Variants in RECQL observed in about 807,000 individuals in gnomAD.
The protein encoded by RECQL is RecQ like helicase.
A neutral mutation model predicts 75.8 loss-of-function variants in RECQL; 73 were observed. That is an observed-to-expected ratio of 0.96 (90% CI 0.80 to 1.17). The LOEUF (loss-of-function observed/expected upper bound fraction) is 1.17. RECQL is among the 50% of genes most tolerant of loss of function. RECQL has a pLI of 0.00. For missense variants in RECQL, 699 were observed against 772.1 expected (o/e 0.91, Z 1.12); for synonymous variants, 248 against 254.4 (o/e 0.97, Z 0.24).
At position 21,475,816 on chromosome 12, in the gene RECQL, A is replaced by G. The variant is rs759142546; in HGVS notation, c.958T>C (p.Tyr320His). Residue 320 changes from tyrosine to histidine, a missense_variant, in exon 9 of 15, where the codon TAT (tyrosine) becomes CAT (histidine). Around this residue, in one of 2 missense-constraint regions of RECQL, gnomAD observed 669 missense variants for 713.5 expected, o/e 0.94. Transcript: ENST00000444129. ...TCAGAGTCTTTCTGAGAAAAACAAT[A>G]TATGATTCCTGCAGTAAAATATGTG... The part of the protein sequence containing the change: ...GRYKGQSGII[Y>H]CFSQKDSEQV... 47 of 1,611,372 alleles carry G rather than the reference A, an allele frequency of 2.9e-5. No individual in the cohort carries two copies. Among genetic ancestry groups the G allele is most frequent in the Non-Finnish European group, 3.8e-5 (45 of 1,178,280 alleles).
intron 5 of RECQL, among the ~76,000 whole-genome samples, chr12:21,485,330 G>GAAAAAAAAAAAAAA (rs58749568): frequency 7.8e-6 from 1 of 128,584 alleles, no homozygotes; most frequent in Admixed American, 7.8e-5. Context: ...CCCCAGAACT[G>GAAAAAAAAAAAAAA]AAAAAAAAAA....
intron 1 of RECQL, among the ~76,000 whole-genome samples, chr12:21,500,797 T>A (rs1358735492): frequency 1.3e-5 from 2 of 152,202 alleles, no homozygotes; most frequent in Non-Finnish European, 1.5e-5. Context: ...TCTACCCTTA[T>A]GAAAAGACAC....
At chr12:21,495,700 G>C (rs887708102) in intron 2 of RECQL, among the ~76,000 whole-genome samples, 13 of 152,356 alleles carry the variant, frequency 8.5e-5, no homozygotes, top group African/African-American at 3.1e-4. Context: ...TGATCCACCA[G>C]TCAGAGTATA....
chr12:21,474,905 C>A lies in RECQL; in HGVS notation c.1291G>T (p.Val431Leu), dbSNP rs1368453148. The change falls in exon 11 of 15, where the codon GTG becomes TTG. Residue 431 changes from valine to leucine, a missense_variant. Coordinates refer to ENST00000444129, the MANE Select transcript of RECQL (RefSeq NM_002907.4). Reference protein sequence around the residue: ...GDIFRISSMVVMENVGQQKLY... With the variant: ...GDIFRISSMVLMENVGQQKLY... Reference sequence around the variant, plus strand: ...TTCTGCTGTCCCACATTTTCCATCACCACCATTGAACTTATTCTGAATATA... The same window carrying A: ...TTCTGCTGTCCCACATTTTCCATCAACACCATTGAACTTATTCTGAATATA... 5 of 1,613,200 alleles carry A rather than the reference C, an allele frequency of 3.1e-6. No individual in the cohort carries two copies. The highest frequency in any genetic ancestry group is 4.2e-6 in the Non-Finnish European group (5 of 1,179,250).
At chr12:21,501,009 A>G (rs1943602127) in intron 1 of RECQL, among the ~76,000 whole-genome samples, 161 bp downstream of exon 1, 1 of 152,192 alleles carries the variant, frequency 6.6e-6, no homozygotes, top group Non-Finnish European at 1.5e-5. Context: ...GGTGACAGCC[A>G]GTCATCAATG....
At chr12:21,478,438 T>C (rs986210434) in intron 6 of RECQL, among the ~76,000 whole-genome samples, 1 of 152,180 alleles carries the variant, frequency 6.6e-6, no homozygotes, top group Non-Finnish European at 1.5e-5. Context: ...ATTGCTTACA[T>C]GCTAAGTAGA....
At chr12:21,475,113 G>A in intron 10 of RECQL, 134 bp from the exon 11 acceptor site, 1 of 808,778 alleles carries the variant, frequency 1.2e-6, no homozygotes, top group Admixed American at 2.9e-5. Context: ...AAGTTAATTT[G>A]TAATGGGTAC....
rs1282887475 is a variant in RECQL, at chr12:21,491,411, T to C, written c.214+108A>G. 5.5e-6 allele frequency: 6 copies of C among 1,093,636 alleles called. No homozygotes were observed. The East Asian group carries it at 1.3e-4, about 24-fold the overall frequency. 67.7% of individuals were successfully genotyped at this position (1,093,636 alleles called of 1,614,324 possible). On this transcript the variant is annotated intron_variant, in intron 3 of 14. Transcript: ENST00000444129. ...CCCATTCCACTGGAGAAATGGCCAG[T>C]TTCACCTCTAAGCCTACTGGAAAGC... is the stretch of plus-strand genomic sequence containing the variant.
rs1408092764 is a variant in RECQL at position 21,475,553 on chromosome 12, T to G, written c.1131A>C (p.Gly377=). ...CAAACCTCACATCTGGCTTATCAAT[T>G]CCCATACCAAATGCAACAGTTGCCA... ...VVVATVAFGM[G]IDKPDVRFVI... is the part of the protein sequence containing the mutation. Residue 377 remains glycine, a synonymous_variant, in exon 10 of 15, where the codon GGA becomes GGC. Coordinates refer to ENST00000444129, the MANE Select transcript of RECQL (RefSeq NM_002907.4). 2 of 1,612,652 alleles carry G rather than the reference T, an allele frequency of 1.2e-6. No homozygotes were observed. Among genetic ancestry groups the G allele is most frequent in the Admixed American group, 3.3e-5 (2 of 59,920 alleles).
At chr12:21,491,980 A>G (rs1943424045) in intron 2 of RECQL, among the ~76,000 whole-genome samples, 1 of 152,186 alleles carries the variant, frequency 6.6e-6, no homozygotes, top group African/African-American at 2.4e-5. Context: ...TCTAACTTTC[A>G]TAGTATTTTT....
At chr12:21,475,614 AT>A in intron 9 of RECQL, 29 bp from the exon 10 acceptor site, 1 of 1,606,572 alleles carries the variant, frequency 6.2e-7, no homozygotes, top group African/African-American at 1.3e-5. Flanking sequence ...TTATCAGTTA[AT>A]TAAATCAAGT....
chr12:21,499,505 A>G (rs1424914697), intron 2 of RECQL, 50 bp downstream of exon 2: 2 of 1,467,444 alleles, frequency 1.4e-6, no homozygotes, highest in Non-Finnish European at 1.8e-6. Flanking sequence ...AATATCATAC[A>G]AACAGAAATA....
At chr12:21,499,403 G>T in intron 2 of RECQL, 152 bp downstream of exon 2, 1 of 666,364 alleles carries the variant, frequency 1.5e-6, no homozygotes, top group East Asian at 2.8e-5. Context: ...ATAATGGTTA[G>T]CATGGCAAAG....
chr12:21,490,348 ATATCTT>A lies in RECQL; in HGVS notation c.239_244del (p.Lys80_Asp81del). 2 of 1,612,210 alleles carry A rather than the reference ATATCTT, an allele frequency of 1.2e-6. No homozygotes were observed. The highest frequency in any genetic ancestry group is 1.7e-6 in the Non-Finnish European group (2 of 1,178,756). On this transcript the variant is annotated inframe_deletion, in exon 4 of 15. Coordinates refer to ENST00000444129, the MANE Select transcript of RECQL (RefSeq NM_002907.4). ...TTCCAGTTTAAAGACATTTTGCAGA[ATATCTT>A]TAACTTTACCAGACCATGGAAAATC...
chr12:21,490,290 G>A lies in RECQL; in HGVS notation c.303C>T (p.Asn101=), dbSNP rs368338459. 79 of 1,612,278 alleles carry A rather than the reference G, an allele frequency of 4.9e-5. No individual in the cohort carries two copies. The highest frequency in any genetic ancestry group is 2.6e-4 in the South Asian group (24 of 91,058). ...KFRPLQLETI[N]VTMAGKEVFL... ...ATACCTCCTTTCCAGCCATTGTTAC[G>A]TTAATAGTTTCAAGCTGAAGTGGTC... The change falls in exon 4 of 15, where the codon AAC becomes AAT. Residue 101 remains asparagine (N), a synonymous_variant. Coordinates refer to ENST00000444129, the MANE Select transcript of RECQL (RefSeq NM_002907.4).
intron 10 of RECQL, 104 bp from the exon 11 acceptor site, chr12:21,475,083 T>A: frequency 9.0e-7 from 1 of 1,111,388 alleles, no homozygotes; most frequent in Non-Finnish European, 1.3e-6. Context: ...ATACTACATC[T>A]AGAAATTTTA....
intron 14 of RECQL, chr12:21,470,572 A>G (rs1319488802): frequency 4.0e-6 from 2 of 506,232 alleles, no homozygotes; most frequent in East Asian, 8.0e-5. Flanking sequence ...ATGTCCTTAG[A>G]CACAATGGCA....
chr12:21,496,681 G>A (rs548693015), intron 2 of RECQL, among the ~76,000 whole-genome samples: 1 of 152,324 alleles, frequency 6.6e-6, no homozygotes, highest in African/African-American at 2.4e-5. Context: ...GAGAGTCAAA[G>A]GGTATGGGGC....
intron 5 of RECQL, among the ~76,000 whole-genome samples, chr12:21,483,811 C>A (rs1943239638): frequency 6.6e-6 from 1 of 152,026 alleles, no homozygotes; most frequent in African/African-American, 2.4e-5. Context: ...CTAAAAAAAA[C>A]TCACTTGACA....
Sources: gnomAD v4.1 joint callset for allele counts (sites outside exome capture counted in the v4.1 genomes callset) on GRCh38, gnomAD v4.1.1 for gene constraint, gnomAD v4.1.1 regional missense constraint, MANE v1.5 for transcripts, NCBI Gene and HGNC (gene_info 2026-07-23, HGNC 2026-07-21) for gene names.